The following TJP1 variants were observed in gnomAD, a reference collection of about 807,000 sequenced individuals.
TJP1 encodes tight junction protein 1.
Under a neutral mutation model 194.2 loss-of-function variants are expected in TJP1, and 43 were observed. The ratio of observed to expected loss-of-function variants is 0.22; its 90% CI spans 0.17 to 0.29. The LOEUF is 0.29. Ranked by LOEUF, TJP1 falls within the 10% of genes least tolerant of loss-of-function variation. The pLI, the probability that TJP1 is intolerant of heterozygous loss-of-function variation, is 1.00. For missense variants in TJP1, 1,971 were observed against 2,185.7 expected, an observed-to-expected ratio of 0.90 and a Z score of 1.96; for synonymous variants, 801 against 779.0, an observed-to-expected ratio of 1.03 and a Z score of -0.47.
intron 2 of TJP1, among the ~76,000 whole-genome samples, chr15:29,941,058 T>A (rs2055055991): frequency 6.6e-6 from 1 of 152,160 alleles, no homozygotes; most frequent in Admixed American, 6.5e-5. Context: ...TGTCTCTCTG[T>A]TCTGTGAATG....
chr15:29,773,436 C>A (rs1734690150), intron 2 of TJP1, 79 bp from the exon 3 acceptor site: 2 of 1,385,942 alleles, frequency 1.4e-6, no homozygotes, highest in Admixed American at 3.9e-5. Context: ...TCTAGAGAAG[C>A]CAAAATATAA....
chr15:29,928,941 C>CA (rs139638246), intron 2 of TJP1, among the ~76,000 whole-genome samples: 23 of 149,440 alleles, frequency 1.5e-4, no homozygotes, highest in African/African-American at 2.9e-4. Context: ...GACTCCATCT[C>CA]AAAAAAAAAC....
intron 2 of TJP1, among the ~76,000 whole-genome samples, chr15:29,843,932 G>A (rs2152071118): frequency 6.6e-6 from 1 of 152,348 alleles, no homozygotes. Flanking sequence ...AGGCCTTGAT[G>A]TATCTGAGGA....
Position 29,805,518 on chromosome 15 carries a change from C to T in TJP1, c.28-4816G>A, listed in dbSNP as rs564014142. Among the ~76,000 whole-genome samples, 9 of 152,260 alleles carry T rather than the reference C, an allele frequency of 5.9e-5. No homozygotes were observed. The South Asian group carries it at 1.9e-3, about 32-fold the overall frequency. The stretch of plus-strand genomic sequence containing the variant: ...TAACCTTATGGCTGTAATTTCAAAA[C>T]CAATCCATGTATCATTCATTCATTC... On this transcript the variant is annotated intron_variant, in intron 1 of 27. Transcript: ENST00000614355.
chr15:29,903,684 T>C (rs2053708256), intron 2 of TJP1, among the ~76,000 whole-genome samples: 1 of 152,178 alleles, frequency 6.6e-6, no homozygotes, highest in Non-Finnish European at 1.5e-5. Flanking sequence ...GACCTTGTGA[T>C]CCGCCCGCCT....
intron 2 of TJP1, among the ~76,000 whole-genome samples, chr15:29,837,646 C>G (rs1028164164): frequency 6.6e-6 from 1 of 152,158 alleles, no homozygotes; most frequent in African/African-American, 2.4e-5. Flanking sequence ...TATAAATGTA[C>G]GACTTTTACA....
chr15:29,749,653 A>G (rs1421869452), intron 8 of TJP1, among the ~76,000 whole-genome samples: 1 of 152,146 alleles, frequency 6.6e-6, no homozygotes, highest in Non-Finnish European at 1.5e-5. Flanking sequence ...TCCCCAGCAC[A>G]TGGGAGTACA....
intron 18 of TJP1, among the ~76,000 whole-genome samples, chr15:29,726,166 G>A (rs574034570): frequency 1.3e-5 from 2 of 152,266 alleles, no homozygotes; most frequent in African/African-American, 4.8e-5. Flanking sequence ...TACTGCAGTG[G>A]TAATTCAACA....
At chr15:29,727,637 T>G (rs955703319) in intron 16 of TJP1, among the ~76,000 whole-genome samples, 2 of 152,264 alleles carry the variant, frequency 1.3e-5, no homozygotes, top group Non-Finnish European at 2.9e-5. Flanking sequence ...CTGACATTCC[T>G]TATGAATGTA....
chr15:29,739,292 C>A (rs1411353985), intron 10 of TJP1, among the ~76,000 whole-genome samples: 1 of 152,152 alleles, frequency 6.6e-6, no homozygotes, highest in Non-Finnish European at 1.5e-5. Flanking sequence ...TAACTACTTG[C>A]AGTAGCAAAA....
At chr15:29,897,229 T>C (rs2053503861) in intron 2 of TJP1, among the ~76,000 whole-genome samples, 1 of 152,122 alleles carries the variant, frequency 6.6e-6, no homozygotes, top group South Asian at 2.1e-4. Flanking sequence ...ATCCCAGTCG[T>C]GACTAAAAGG....
At chr15:29,935,420 G>A (rs2054851333) in intron 2 of TJP1, among the ~76,000 whole-genome samples, 4 of 152,156 alleles carry the variant, frequency 2.6e-5, no homozygotes, top group African/African-American at 9.7e-5. Context: ...CTCCCTTGAG[G>A]TGCTGGTAGC....
intron 2 of TJP1, among the ~76,000 whole-genome samples, chr15:29,949,462 C>T (rs2055479700): frequency 2.3e-5 from 3 of 129,512 alleles, no homozygotes; most frequent in South Asian, 2.5e-4. Context: ...CCACCACTTC[C>T]ACCACCACCA....
chr15:29,726,695 T>C (rs549465128), intron 17 of TJP1, 86 bp downstream of exon 17: 288 of 1,335,034 alleles, frequency 2.2e-4, no homozygotes, highest in Non-Finnish European at 2.9e-4. Flanking sequence ...ATGTAAGTTT[T>C]AGTATTTGAA....
chr15:29,968,954 GT>G (rs2056426924), upstream of TJP1: 1 of 158,654 alleles, frequency 6.3e-6, no homozygotes, highest in Non-Finnish European at 1.3e-5. Flanking sequence ...CGCCGTCGCC[GT>G]GCGTGCCCGG....
chr15:29,903,209 T>C (rs1483055365), intron 2 of TJP1, among the ~76,000 whole-genome samples: 1 of 152,174 alleles, frequency 6.6e-6, no homozygotes, highest in Non-Finnish European at 1.5e-5. Flanking sequence ...AACTGATCTA[T>C]GTGTCATCGT....
At chr15:29,732,089 G>C in intron 15 of TJP1, 1 of 208,446 alleles carries the variant, frequency 4.8e-6, no homozygotes, top group Admixed American at 5.3e-5. Context: ...GAAGAAACTG[G>C]AAAGGATCCA....
intron 2 of TJP1, among the ~76,000 whole-genome samples, chr15:29,949,612 C>A (rs1596311123): frequency 3.0e-5 from 2 of 67,770 alleles, no homozygotes; most frequent in African/African-American, 5.7e-5. Flanking sequence ...CCTCCACCTT[C>A]ACCACCACCA....
At chr15:29,778,040 T>TA (rs1424628590) in intron 2 of TJP1, among the ~76,000 whole-genome samples, 2 of 151,978 alleles carry the variant, frequency 1.3e-5, no homozygotes, top group African/African-American at 2.4e-5. Context: ...ATAAAAAGAT[T>TA]AAAAAAAACC....
Sources: gnomAD v4.1 joint callset for allele counts (sites outside exome capture counted in the v4.1 genomes callset) on GRCh38, gnomAD v4.1.1 for gene constraint, MANE v1.5 for transcripts, NCBI Gene and HGNC (gene_info 2026-07-23, HGNC 2026-07-21) for gene names.